Variants in PHACTR1 observed in about 807,000 individuals in gnomAD.
PHACTR1 encodes the protein phosphatase and actin regulator 1.
In PHACTR1, 16 loss-of-function variants were observed where a neutral mutation model predicts 69.2. The observed-to-expected ratio is 0.23, with a 90% confidence interval of 0.16 to 0.35. The LOEUF (loss-of-function observed/expected upper bound fraction) is 0.35, where lower values mean the gene tolerates loss of function less well. PHACTR1 is among the 10% of genes least tolerant of loss of function. The pLI, the probability that PHACTR1 is intolerant of heterozygous loss-of-function variation, is 1.00. For synonymous variants in PHACTR1, 312 were observed against 284.5 expected (o/e 1.10, Z -0.97); for missense variants, 510 against 734.7 (o/e 0.69, Z 3.54).
At chr6:13,273,310 G>T (rs933365342) in intron 11 of PHACTR1, 1 of 178,134 alleles carries the variant, frequency 5.6e-6, no homozygotes, top group Non-Finnish European at 1.2e-5. Context: ...CATTTGAACT[G>T]AGACTAGAAA....
At chr6:12,998,342 G>A (rs896726838) in intron 4 of PHACTR1, among the ~76,000 whole-genome samples, 3 of 152,126 alleles carry the variant, frequency 2.0e-5, no homozygotes, top group Admixed American at 2.0e-4. Context: ...AATAGGCTAG[G>A]CACAGTGGCT....
intron 4 of PHACTR1, among the ~76,000 whole-genome samples, chr6:12,905,391 C>A (rs1036001292): frequency 1.3e-5 from 2 of 152,194 alleles, no homozygotes; most frequent in Non-Finnish European, 2.9e-5. Flanking sequence ...GGTTCTAGAG[C>A]TGCCTGTTCC....
intron 4 of PHACTR1, among the ~76,000 whole-genome samples, chr6:13,018,356 G>A (rs1360414666): frequency 2.6e-5 from 4 of 152,162 alleles, no homozygotes; most frequent in East Asian, 3.8e-4. Context: ...TTCTGGAAAC[G>A]TACTGCCTGT....
chr6:13,163,211 T>G (rs1294282947), intron 6 of PHACTR1, among the ~76,000 whole-genome samples: 1 of 152,194 alleles, frequency 6.6e-6, no homozygotes. Context: ...CACACTGTAC[T>G]CTGGCCTGGG....
At chr6:12,805,677 T>A (rs953028261) in intron 4 of PHACTR1, among the ~76,000 whole-genome samples, 1 of 151,898 alleles carries the variant, frequency 6.6e-6, no homozygotes, top group Non-Finnish European at 1.5e-5. Context: ...CTCGGCTCAC[T>A]GCAACCTCCA....
intron 10 of PHACTR1, among the ~76,000 whole-genome samples, chr6:13,265,762 A>C (rs924676761): frequency 1.3e-5 from 2 of 152,120 alleles, no homozygotes; most frequent in Non-Finnish European, 2.9e-5. Flanking sequence ...ATGACATTTT[A>C]GTCCTCATCC....
At position 12,846,438 on chromosome 6, in the gene PHACTR1, G is replaced by A. The variant is rs190502922; in HGVS notation, c.250+96648G>A. 7.2e-5 allele frequency among the ~76,000 whole-genome samples: 11 copies of A among 152,226 alleles called. No homozygotes were observed. The South Asian group carries it at 2.3e-3, about 32-fold the overall frequency. On this transcript the variant is annotated intron_variant, in intron 4 of 14. Coordinates refer to ENST00000332995, the MANE Select transcript of PHACTR1 (RefSeq NM_030948.6). ...TTCTAATAAACCCAATTTCCTTTCA[G>A]CATCTTAAGGACCTTACTGTTAGGT...
intron 4 of PHACTR1, among the ~76,000 whole-genome samples, chr6:12,862,156 T>C (rs1781005717): frequency 6.6e-6 from 1 of 152,132 alleles, no homozygotes; most frequent in South Asian, 2.1e-4. Flanking sequence ...AGAGAGCAGA[T>C]GGAAGGAGAA....
At chr6:12,934,129 G>A (rs2127532669) in intron 4 of PHACTR1, 1 of 699,388 alleles carries the variant, frequency 1.4e-6, no homozygotes, top group South Asian at 2.1e-5. Context: ...GGCAGCAGTT[G>A]GCAATCCTTG....
At chr6:13,266,806 A>G (rs1409164273) in intron 10 of PHACTR1, 2 of 152,268 alleles carry the variant, frequency 1.3e-5, no homozygotes, top group African/African-American at 4.8e-5. Context: ...AACTACCCCC[A>G]TGATCCAATC....
chr6:13,011,291 T>C (rs1031555602), intron 4 of PHACTR1, among the ~76,000 whole-genome samples: 1 of 152,252 alleles, frequency 6.6e-6, no homozygotes, highest in Non-Finnish European at 1.5e-5. Flanking sequence ...AATTTGAATT[T>C]TATTGAATTT....
chr6:12,904,863 A>G (rs1365154025), intron 4 of PHACTR1, among the ~76,000 whole-genome samples: 5 of 152,156 alleles, frequency 3.3e-5, no homozygotes, highest in Non-Finnish European at 5.9e-5. Context: ...CTTTTTGTAT[A>G]TAAAGGGAAC....
chr6:13,113,880 A>G (rs759987714), intron 5 of PHACTR1, among the ~76,000 whole-genome samples: 2 of 152,214 alleles, frequency 1.3e-5, no homozygotes, highest in African/African-American at 2.4e-5. Flanking sequence ...GTTGTTAGAA[A>G]TATTGAAAGT....
Position 13,283,550 on chromosome 6 carries a change from C to T in PHACTR1, c.1638C>T (p.Thr546=), listed in dbSNP as rs368787954. 6.7e-5 allele frequency: 108 copies of T among 1,613,860 alleles called. No homozygotes were observed. The East Asian group carries it at 1.6e-3, about 24-fold the overall frequency. The change falls in exon 13 of 15, where the codon ACC becomes ACT. Residue 546 remains threonine (T), a synonymous_variant. Transcript: ENST00000332995. This position sits in a 1 kb window ranked among gnomAD's most constrained non-coding sequence, Gnocchi z 4.7. Reference sequence around the variant, plus strand: ...CAGATAAGCCGTGGACCCGCCTCACCGCTGCAGACAAAGTAAGCAGAGGGG... The same window carrying T: ...CAGATAAGCCGTGGACCCGCCTCACTGCTGCAGACAAAGTAAGCAGAGGGG... ...RRADKPWTRL[T]AADKAAIRKE... is the part of the protein sequence containing the mutation.
At chr6:12,882,436 C>T (rs1204294124) in intron 4 of PHACTR1, among the ~76,000 whole-genome samples, 1 of 151,954 alleles carries the variant, frequency 6.6e-6, no homozygotes, top group Non-Finnish European at 1.5e-5. Context: ...CATTACCATG[C>T]AGTCACAGCT....
At chr6:12,729,601 G>A (rs1426056779) in intron 3 of PHACTR1, among the ~76,000 whole-genome samples, 1 of 152,196 alleles carries the variant, frequency 6.6e-6, no homozygotes, top group African/African-American at 2.4e-5. Flanking sequence ...TGGCACGTGA[G>A]GCTGTGCCAT....
chr6:12,842,994 A>G (rs952380400), intron 4 of PHACTR1, among the ~76,000 whole-genome samples: 1 of 152,132 alleles, frequency 6.6e-6, no homozygotes, highest in Non-Finnish European at 1.5e-5. Context: ...TCTACCCTTT[A>G]TATGCTACTT....
chr6:13,049,756 T>A (rs1363962266), intron 4 of PHACTR1, among the ~76,000 whole-genome samples: 1 of 152,176 alleles, frequency 6.6e-6, no homozygotes, highest in Non-Finnish European at 1.5e-5. Context: ...AATAGGTTAT[T>A]TCATGGAGGA....
At chr6:13,260,688 C>A (rs937026358) in intron 10 of PHACTR1, among the ~76,000 whole-genome samples, 1 of 152,190 alleles carries the variant, frequency 6.6e-6, no homozygotes, top group African/African-American at 2.4e-5. Context: ...ATGCATCATA[C>A]TGCCCAAAGC....
Sources: gnomAD v4.1 joint callset for allele counts (sites outside exome capture counted in the v4.1 genomes callset) on GRCh38, gnomAD v4.1.1 for gene constraint, Gnocchi (gnomAD v3.1) non-coding constraint, MANE v1.5 for transcripts, NCBI Gene and HGNC (gene_info 2026-07-23, HGNC 2026-07-21) for gene names.